Variants in CNTN4 observed in about 807,000 individuals in gnomAD.
CNTN4 encodes contactin-4.
In CNTN4, 77 loss-of-function variants were observed where a neutral mutation model predicts 122.5. That is an observed-to-expected ratio of 0.63 (90% CI 0.52 to 0.76). The LOEUF is 0.76. Ranked by LOEUF, CNTN4 falls within the 30% of genes least tolerant of loss-of-function variation. The probability of loss-of-function intolerance (pLI) is 0.00; values close to 1 mark genes in which losing one functional copy is unlikely to be tolerated. For synonymous variants in CNTN4, 512 were observed against 447.0 expected, an observed-to-expected ratio of 1.15 and a Z score of -1.83; for missense variants, 1,256 against 1,259.1, an observed-to-expected ratio of 1.00 and a Z score of 0.04.
chr3:2,887,007 GT>G (rs754609091), intron 9 of CNTN4, 32 bp from the exon 10 acceptor site: 26 of 1,597,548 alleles, frequency 1.6e-5, no homozygotes, highest in African/African-American at 6.7e-5. Flanking sequence ...GTTTTCTCTA[GT>G]TTGATTCACT....
At chr3:2,708,035 A>T (rs1355516431) in intron 4 of CNTN4, among the ~76,000 whole-genome samples, 2 of 152,198 alleles carry the variant, frequency 1.3e-5, no homozygotes, top group East Asian at 1.9e-4. Context: ...ATACCAATTC[A>T]TTCTATTATT....
chr3:2,857,656 C>G (rs1447373253), intron 7 of CNTN4, among the ~76,000 whole-genome samples: 2 of 152,124 alleles, frequency 1.3e-5, no homozygotes, highest in East Asian at 3.9e-4. Context: ...TGGTTCACTG[C>G]CGCCTTGACC....
chr3:2,819,966 C>T (rs915306696), intron 7 of CNTN4, among the ~76,000 whole-genome samples: 3 of 152,176 alleles, frequency 2.0e-5, no homozygotes, highest in African/African-American at 4.8e-5. Context: ...TGTGTCTACT[C>T]GCAATACTTC....
intron 14 of CNTN4, among the ~76,000 whole-genome samples, chr3:3,015,595 T>A (rs959646652): frequency 6.6e-6 from 1 of 152,226 alleles, no homozygotes; most frequent in East Asian, 1.9e-4. Flanking sequence ...CAGAGGAATC[T>A]GAAAACATGT....
At chr3:2,992,608 C>A (rs1242987083) in intron 14 of CNTN4, among the ~76,000 whole-genome samples, 1 of 152,132 alleles carries the variant, frequency 6.6e-6, no homozygotes, top group African/African-American at 2.4e-5. Context: ...TTTTAAGTAG[C>A]AGTCCTAGAG....
intron 2 of CNTN4, among the ~76,000 whole-genome samples, chr3:2,329,256 T>C (rs183923092): frequency 2.6e-5 from 4 of 152,214 alleles, no homozygotes; most frequent in Non-Finnish European, 5.9e-5. Context: ...ATTTCATGGC[T>C]GAAATTGTAG....
chr3:2,926,150 A>G (rs2094471378), intron 13 of CNTN4, among the ~76,000 whole-genome samples: 1 of 152,192 alleles, frequency 6.6e-6, no homozygotes, highest in South Asian at 2.1e-4. Flanking sequence ...CTTATTTGCT[A>G]TGACAACCCT....
chr3:2,849,465 T>C (rs537469376), intron 7 of CNTN4, among the ~76,000 whole-genome samples: 2 of 152,344 alleles, frequency 1.3e-5, no homozygotes, highest in Non-Finnish European at 2.9e-5. Flanking sequence ...GGGAAAACCT[T>C]AGGCATTAAG....
chr3:2,962,327 T>C (rs542096387), intron 13 of CNTN4, among the ~76,000 whole-genome samples: 86 of 152,310 alleles, frequency 5.6e-4, no homozygotes, highest in African/African-American at 1.9e-3. Context: ...GCCACACTCT[T>C]CCGAATATTC....
intron 2 of CNTN4, among the ~76,000 whole-genome samples, chr3:2,174,144 A>G (rs1192099152): frequency 6.6e-6 from 1 of 152,212 alleles, no homozygotes; most frequent in African/African-American, 2.4e-5. Context: ...CTTTTAAGGT[A>G]GAAGGGTGCA....
At position 2,709,655 on chromosome 3, in the gene CNTN4, T is replaced by C. The variant is rs1472381393; in HGVS notation, c.56-26560T>C. Among the ~76,000 whole-genome samples, 1 of 152,236 alleles carries C rather than the reference T, an allele frequency of 6.6e-6. No individual in the cohort carries two copies. The highest frequency in any genetic ancestry group is 6.5e-5 in the Admixed American group (1 of 15,292). On this transcript the variant is annotated intron_variant, in intron 4 of 24. Transcript: ENST00000418658. The surrounding 1 kb of genome is among the most constrained non-coding windows in gnomAD (Gnocchi z 5.0). The stretch of plus-strand genomic sequence containing the variant: ...GTGGCTGGGTGCGGTGGCTCTCACC[T>C]GTAACCGCAGCACTTTGGGAGGCTG...
Position 2,760,651 on chromosome 3 carries a change from T to A in CNTN4, c.358+14954T>A, listed in dbSNP as rs530223177. 2.6e-5 allele frequency among the ~76,000 whole-genome samples: 4 copies of A among 152,350 alleles called. No individual in the cohort carries two copies. The South Asian group carries it at 8.3e-4, about 32-fold the overall frequency. On this transcript the variant is annotated intron_variant, in intron 6 of 24. Transcript: ENST00000418658. ...ATAGTACCTTAAGATCAAAGAAATA[T>A]GATGCTCACATCGCATGAGCTATGG...
At chr3:2,407,404 G>A (rs907169441) in intron 3 of CNTN4, among the ~76,000 whole-genome samples, 1 of 150,546 alleles carries the variant, frequency 6.6e-6, no homozygotes, top group Admixed American at 6.6e-5. Flanking sequence ...TTTTTGTTTT[G>A]GCTAATCAGT....
chr3:2,303,421 G>A (rs1377310216), intron 2 of CNTN4, among the ~76,000 whole-genome samples: 2 of 151,950 alleles, frequency 1.3e-5, no homozygotes, highest in East Asian at 1.9e-4. Context: ...TTTCTGTCCC[G>A]ACATTTCATT....
chr3:2,606,249 T>C (rs1441647490), intron 4 of CNTN4, among the ~76,000 whole-genome samples: 2 of 152,086 alleles, frequency 1.3e-5, no homozygotes, highest in Admixed American at 1.3e-4. Flanking sequence ...CAATAAGAAG[T>C]TATTGTAAGG....
At chr3:2,615,626 A>G (rs1291122871) in intron 4 of CNTN4, among the ~76,000 whole-genome samples, 1 of 152,202 alleles carries the variant, frequency 6.6e-6, no homozygotes, top group African/African-American at 2.4e-5. Context: ...AGTATAATTT[A>G]TATACCCTAA....
At chr3:2,693,334 G>A (rs1057039576) in intron 4 of CNTN4, among the ~76,000 whole-genome samples, 7 of 152,036 alleles carry the variant, frequency 4.6e-5, no homozygotes, top group Non-Finnish European at 8.8e-5. Context: ...ATCTCCTCCG[G>A]TCCCTGTTAA....
Position 2,704,912 on chromosome 3 carries a change from A to G in CNTN4, c.56-31303A>G, listed in dbSNP as rs548494090. Reference sequence around the variant, plus strand: ...CCTTAACCATCTCAACTTACAGTCTAAACACTGCGTGAGTGATGATAGGAT... The same window carrying G: ...CCTTAACCATCTCAACTTACAGTCTGAACACTGCGTGAGTGATGATAGGAT... On this transcript the variant is annotated intron_variant, in intron 4 of 24. Transcript: ENST00000418658. Among the ~76,000 whole-genome samples the G allele has an allele frequency of 2.0e-5, 3 of 152,288 alleles. No homozygotes were observed. The South Asian group carries it at 6.2e-4, about 32-fold the overall frequency.
intron 14 of CNTN4, among the ~76,000 whole-genome samples, chr3:2,990,145 A>G (rs1346439432): frequency 6.6e-6 from 1 of 152,184 alleles, no homozygotes; most frequent in African/African-American, 2.4e-5. Flanking sequence ...GCACCTAGGA[A>G]ATATTAATAG....
Sources: gnomAD v4.1 joint callset for allele counts (sites outside exome capture counted in the v4.1 genomes callset) on GRCh38, gnomAD v4.1.1 for gene constraint, Gnocchi (gnomAD v3.1) non-coding constraint, MANE v1.5 for transcripts, NCBI Gene and HGNC (gene_info 2026-07-23, HGNC 2026-07-21) for gene names.